CRACD: variants seen among roughly 807,000 people sequenced by gnomAD.
CRACD encodes capping protein-inhibiting regulator of actin dynamics.
CRACD carries 56 observed loss-of-function variants against 106.8 expected under a neutral mutation model. The observed-to-expected ratio is 0.52, with a 90% confidence interval of 0.42 to 0.66. The LOEUF is 0.66. CRACD is among the 30% of genes least tolerant of loss of function. The pLI is 0.00. For synonymous variants in CRACD, 754 were observed against 670.8 expected (o/e 1.12, Z -1.92); for missense variants, 1,730 against 1,623.2 (o/e 1.07, Z -1.13).
chr4:56,316,408 G>T lies in CRACD; in HGVS notation c.2906G>T (p.Ser969Ile). 6.2e-7 allele frequency: 1 copy of T among 1,614,178 alleles called. No individual in the cohort carries two copies. The highest frequency in any genetic ancestry group is 8.5e-7 in the Non-Finnish European group (1 of 1,179,990). Residue 969 changes from serine (S) to isoleucine (I), a missense_variant, in exon 8 of 11, where the codon AGT becomes ATT. By Grantham distance (142) the Ser-to-Ile change is moderately radical. This residue lies in a region of CRACD where 1,620 missense variants were observed against 1,481.6 expected (regional missense o/e 1.09). Coordinates refer to ENST00000682029, the MANE Select transcript of CRACD (RefSeq NM_001393381.1). ...QKPALAPKPTSQTPPASPLSK... is the reference protein window; with the variant it reads ...QKPALAPKPTIQTPPASPLSK... ...CCAGCACTGGCTCCCAAGCCCACCA[G>T]TCAGACCCCACCAGCATCCCCACTT...
At chr4:56,274,716 T>TA (rs1742575183) in intron 3 of CRACD, among the ~76,000 whole-genome samples, 2 of 152,212 alleles carry the variant, frequency 1.3e-5, no homozygotes. Context: ...AGTAAGGATA[T>TA]AAAAGGATAA....
intron 2 of CRACD, among the ~76,000 whole-genome samples, chr4:56,186,885 GA>G (rs1737115717): frequency 1.3e-5 from 2 of 152,084 alleles, no homozygotes; most frequent in South Asian, 4.1e-4. Flanking sequence ...AACATAGTGA[GA>G]CCTCATCTCT....
intron 2 of CRACD, among the ~76,000 whole-genome samples, chr4:56,207,314 C>T (rs1417239470): frequency 5.3e-5 from 8 of 152,130 alleles, no homozygotes; most frequent in Non-Finnish European, 7.4e-5. Flanking sequence ...ACAGTAGAAC[C>T]TGTTATGGAG....
chr4:56,075,766 T>G (rs74594838), intron 1 of CRACD, among the ~76,000 whole-genome samples: 2,665 of 152,272 alleles, frequency 0.018, 75 homozygotes, highest in African/African-American at 0.061. Context: ...TTCCTTTCCC[T>G]TAGCGTGTTT....
chr4:56,321,195 C>A (rs576302917), intron 8 of CRACD: 22 of 270,466 alleles, frequency 8.1e-5, no homozygotes, highest in African/African-American at 4.3e-4. Flanking sequence ...CGGTTTTATT[C>A]TTCTTCTCCC....
chr4:56,219,878 G>T (rs1052941401), intron 2 of CRACD, among the ~76,000 whole-genome samples: 2 of 152,174 alleles, frequency 1.3e-5, no homozygotes, highest in African/African-American at 4.8e-5. Context: ...AGTTGTAAAA[G>T]GTGTTGGGTA....
Position 56,327,852 on chromosome 4 carries a change from G to C in CRACD, c.*48G>C, listed in dbSNP as rs956537715. 7.9e-6 allele frequency: 12 copies of C among 1,510,978 alleles called. No homozygotes were observed. Among genetic ancestry groups the C allele is most frequent in the Admixed American group, 2.0e-5 (1 of 49,530 alleles). The allele number at this position is 1,510,978 out of a possible 1,614,324, so 93.6% of individuals were successfully genotyped here. A position where few individuals can be genotyped will look rare whatever the true frequency, so the allele number is the denominator to read the frequency against. On this transcript the variant is annotated 3_prime_UTR_variant, in exon 11 of 11. Coordinates refer to ENST00000682029, the MANE Select transcript of CRACD (RefSeq NM_001393381.1). ...ACTGCCAGTTATTGGCTCCTCTCTT[G>C]CCCTTTTTATTTATTTATTTTTTAT...
chr4:56,110,805 C>G (rs1364514188), intron 1 of CRACD, among the ~76,000 whole-genome samples: 14 of 152,158 alleles, frequency 9.2e-5, no homozygotes, highest in Non-Finnish European at 1.6e-4. Context: ...CCATGTAGGC[C>G]AGGCTGGTCT....
At chr4:56,054,499 G>A (rs1320739697) in intron 1 of CRACD, among the ~76,000 whole-genome samples, 3 of 152,156 alleles carry the variant, frequency 2.0e-5, no homozygotes, top group Non-Finnish European at 2.9e-5. Flanking sequence ...ATCCTGATGT[G>A]AAAATTCATA....
intron 3 of CRACD, among the ~76,000 whole-genome samples, chr4:56,288,127 A>G (rs1333008062): frequency 6.6e-6 from 1 of 152,100 alleles, no homozygotes; most frequent in Non-Finnish European, 1.5e-5. Context: ...AAAATTTCCC[A>G]TGATTTTAGG....
chr4:56,208,032 C>T (rs528264636), intron 2 of CRACD, among the ~76,000 whole-genome samples: 1 of 150,890 alleles, frequency 6.6e-6, no homozygotes, highest in Non-Finnish European at 1.5e-5. Flanking sequence ...GTTGCCCAGG[C>T]TGGTCTCTTG....
intron 1 of CRACD, among the ~76,000 whole-genome samples, chr4:56,130,068 T>C (rs1734777174): frequency 6.6e-6 from 1 of 152,128 alleles, no homozygotes; most frequent in African/African-American, 2.4e-5. Context: ...GAGCTTAGTT[T>C]GCGACCAGCT....
At chr4:56,195,895 C>T (rs1737585926) in intron 2 of CRACD, among the ~76,000 whole-genome samples, 1 of 152,042 alleles carries the variant, frequency 6.6e-6, no homozygotes, top group African/African-American at 2.4e-5. Flanking sequence ...AGAATAGATG[C>T]AATGTGAGAG....
intron 4 of CRACD, 54 bp from the exon 5 acceptor site, chr4:56,307,481 G>A (rs1577888987): frequency 9.5e-6 from 15 of 1,585,580 alleles, no homozygotes; most frequent in East Asian, 2.2e-5. Flanking sequence ...CCTGGTTGTG[G>A]TGGTTGTGAA....
intron 3 of CRACD, among the ~76,000 whole-genome samples, chr4:56,278,821 G>C (rs1426950564): frequency 6.6e-6 from 1 of 151,548 alleles, no homozygotes; most frequent in African/African-American, 2.4e-5. Context: ...TTTTTTATTG[G>C]GCAAAGGATT....
At chr4:56,075,745 G>C (rs914220964) in intron 1 of CRACD, among the ~76,000 whole-genome samples, 1 of 152,066 alleles carries the variant, frequency 6.6e-6, no homozygotes, top group African/African-American at 2.4e-5. Context: ...GAGGTCTTTC[G>C]TGTCCATGGG....
intron 2 of CRACD, among the ~76,000 whole-genome samples, chr4:56,256,645 T>C (rs1266473847): frequency 6.6e-6 from 1 of 152,180 alleles, no homozygotes; most frequent in Non-Finnish European, 1.5e-5. Context: ...ATGGAAGTGG[T>C]GTATACATGA....
chr4:56,270,353 G>A (rs1742279411), intron 2 of CRACD, among the ~76,000 whole-genome samples: 1 of 152,054 alleles, frequency 6.6e-6, no homozygotes, highest in South Asian at 2.1e-4. Flanking sequence ...ACCACATCTG[G>A]CAGCACTTCA....
At chr4:56,107,326 T>G (rs1733982712) in intron 1 of CRACD, among the ~76,000 whole-genome samples, 1 of 152,150 alleles carries the variant, frequency 6.6e-6, no homozygotes, top group Admixed American at 6.5e-5. Context: ...TTATCAGCAA[T>G]CTTAGTGCCT....
Sources: gnomAD v4.1 joint callset for allele counts (sites outside exome capture counted in the v4.1 genomes callset) on GRCh38, gnomAD v4.1.1 for gene constraint, gnomAD v4.1.1 regional missense constraint, MANE v1.5 for transcripts, NCBI Gene and HGNC (gene_info 2026-07-23, HGNC 2026-07-21) for gene names.